The following HMBOX1 variants were observed in gnomAD, a reference collection of about 807,000 sequenced individuals.
HMBOX1 encodes the protein homeobox containing 1.
HMBOX1 carries 14 observed loss-of-function variants against 54.5 expected under a neutral mutation model. The observed-to-expected ratio is 0.26, with a 90% CI of 0.17 to 0.40. The LOEUF is 0.40. Ranked by LOEUF, HMBOX1 falls within the 10% of genes least tolerant of loss-of-function variation. The probability of loss-of-function intolerance (pLI) is 1.00; values close to 1 mark genes in which losing one functional copy is unlikely to be tolerated. For synonymous variants in HMBOX1, 160 were observed against 181.0 expected (o/e 0.88, Z 0.93); for missense variants, 332 against 514.4 (o/e 0.65, Z 3.43).
intron 4 of HMBOX1, among the ~76,000 whole-genome samples, chr8:28,995,238 C>G (rs28566034): frequency 2.6e-5 from 4 of 152,108 alleles, no homozygotes; most frequent in Admixed American, 2.6e-4. Context: ...GACAAACTTC[C>G]GGACATTTCA....
chr8:28,938,709 A>G (rs1446569144), intron 1 of HMBOX1, among the ~76,000 whole-genome samples: 1 of 151,172 alleles, frequency 6.6e-6, no homozygotes, highest in Non-Finnish European at 1.5e-5. Context: ...TTGGCCTCCC[A>G]GAGTGTTGGA....
intron 1 of HMBOX1, among the ~76,000 whole-genome samples, chr8:28,956,814 C>G (rs1196779419): frequency 6.6e-6 from 1 of 152,104 alleles, no homozygotes; most frequent in Non-Finnish European, 1.5e-5. Context: ...CTGCTCTAAC[C>G]CCATTAAAAA....
intron 1 of HMBOX1, among the ~76,000 whole-genome samples, chr8:28,909,118 T>C (rs1254719829): frequency 1.3e-5 from 2 of 151,400 alleles, no homozygotes; most frequent in African/African-American, 4.9e-5. Flanking sequence ...AAAAAATTAC[T>C]GTTGATTGTA....
chr8:28,947,060 T>C (rs1024746826), intron 1 of HMBOX1, among the ~76,000 whole-genome samples: 1 of 152,222 alleles, frequency 6.6e-6, no homozygotes, highest in Non-Finnish European at 1.5e-5. Context: ...GAAAATGTGA[T>C]GCTTATCTGT....
chr8:29,044,321 T>C (rs1563640501), intron 6 of HMBOX1, among the ~76,000 whole-genome samples: 1 of 152,186 alleles, frequency 6.6e-6, no homozygotes, highest in African/African-American at 2.4e-5. Context: ...CATTTCCTGA[T>C]TGGAAGTTTC....
intron 9 of HMBOX1, chr8:29,050,315 C>A (rs1806249952): frequency 3.0e-6 from 2 of 667,334 alleles, no homozygotes; most frequent in Non-Finnish European, 3.7e-6. Flanking sequence ...TCCTGCAATG[C>A]CAGCTTCCTT....
At chr8:28,997,023 G>C (rs1351986853) in intron 4 of HMBOX1, among the ~76,000 whole-genome samples, 1 of 151,920 alleles carries the variant, frequency 6.6e-6, no homozygotes, top group African/African-American at 2.4e-5. Flanking sequence ...GTATTCCTTT[G>C]GGTTTTTTAT....
At chr8:28,959,252 C>T (rs1410375198) in intron 1 of HMBOX1, among the ~76,000 whole-genome samples, 1 of 151,852 alleles carries the variant, frequency 6.6e-6, no homozygotes, top group Middle Eastern at 3.2e-3. Flanking sequence ...GCTTTGGGGC[C>T]ATCATTCTGT....
chr8:29,023,535 TGGG>T (rs949238101), intron 6 of HMBOX1, among the ~76,000 whole-genome samples: 12 of 151,526 alleles, frequency 7.9e-5, no homozygotes, highest in African/African-American at 2.7e-4. Flanking sequence ...CCTGAGTAGC[TGGG>T]ACTACAGGCA....
At chr8:28,972,194 C>A (rs1055896466) in intron 3 of HMBOX1, among the ~76,000 whole-genome samples, 1 of 152,058 alleles carries the variant, frequency 6.6e-6, no homozygotes, top group Non-Finnish European at 1.5e-5. Flanking sequence ...ACAGCAGTTA[C>A]AGTTACAAGT....
chr8:28,918,013 T>C (rs900381083), intron 1 of HMBOX1, among the ~76,000 whole-genome samples: 11 of 152,178 alleles, frequency 7.2e-5, no homozygotes, highest in African/African-American at 2.4e-4. Flanking sequence ...CCTTATAAAA[T>C]GATTTGGGAA....
intron 4 of HMBOX1, among the ~76,000 whole-genome samples, chr8:28,981,718 A>T (rs1255523893): frequency 1.3e-5 from 2 of 152,164 alleles, no homozygotes; most frequent in Non-Finnish European, 2.9e-5. Context: ...AAACCCATCC[A>T]ATCTTAATTA....
At chr8:29,035,490 A>T (rs1268479610) in intron 6 of HMBOX1, among the ~76,000 whole-genome samples, 1 of 152,206 alleles carries the variant, frequency 6.6e-6, no homozygotes, top group Non-Finnish European at 1.5e-5. Flanking sequence ...AAAACTGAGA[A>T]AGCAAGATGC....
At chr8:28,984,542 A>G (rs1383265305) in intron 4 of HMBOX1, among the ~76,000 whole-genome samples, 1 of 152,208 alleles carries the variant, frequency 6.6e-6, no homozygotes, top group East Asian at 1.9e-4. Context: ...TATAAACAGG[A>G]TATAATAACA....
chr8:29,050,995 ATT>A (rs763584269), intron 9 of HMBOX1, 21 bp from the exon 10 acceptor site: 56 of 1,600,774 alleles, frequency 3.5e-5, no homozygotes, highest in Non-Finnish European at 4.4e-5. Flanking sequence ...CACTAATAAC[ATT>A]TCTTATTTCT....
chr8:28,922,813 T>C (rs1045533165), intron 1 of HMBOX1, among the ~76,000 whole-genome samples: 3 of 152,154 alleles, frequency 2.0e-5, no homozygotes, highest in African/African-American at 4.8e-5. Flanking sequence ...TTATCCAGAG[T>C]GTGCTTTGGT....
At chr8:28,990,805 C>T (rs1830870260) in intron 4 of HMBOX1, among the ~76,000 whole-genome samples, 2 of 152,064 alleles carry the variant, frequency 1.3e-5, no homozygotes, top group African/African-American at 2.4e-5. Flanking sequence ...AGGTGTCTGC[C>T]ACCACACCTG....
intron 4 of HMBOX1, among the ~76,000 whole-genome samples, chr8:28,989,483 G>A (rs1586310895): frequency 1.3e-5 from 2 of 152,034 alleles, no homozygotes; most frequent in Admixed American, 6.5e-5. Flanking sequence ...GCCTTTCCCC[G>A]TTTGATTACT....
At chr8:29,025,830 C>T (rs1197345722) in intron 6 of HMBOX1, among the ~76,000 whole-genome samples, 1 of 152,124 alleles carries the variant, frequency 6.6e-6, no homozygotes, top group African/African-American at 2.4e-5. Context: ...CCGCTAACCT[C>T]AAGTGGGTCT....
Sources: gnomAD v4.1 joint callset for allele counts (sites outside exome capture counted in the v4.1 genomes callset) on GRCh38, gnomAD v4.1.1 for gene constraint, MANE v1.5 for transcripts, NCBI Gene and HGNC (gene_info 2026-07-23, HGNC 2026-07-21) for gene names.